Variants in BCOR observed in about 807,000 individuals in gnomAD.
The protein encoded by BCOR is BCL6 corepressor.
BCOR carries 10 observed loss-of-function variants against 86.7 expected under a neutral mutation model. The ratio of observed to expected loss-of-function variants is 0.12; its 90% CI spans 0.07 to 0.20. The LOEUF is 0.20. BCOR is among the 10% of genes least tolerant of loss of function. The probability of loss-of-function intolerance (pLI) is 1.00; values close to 1 mark genes in which losing one functional copy is unlikely to be tolerated. For synonymous variants in BCOR, 611 were observed against 609.0 expected, an observed-to-expected ratio of 1.00 and a Z score of -0.05; for missense variants, 1,259 against 1,452.1, an observed-to-expected ratio of 0.87 and a Z score of 2.16.
upstream of BCOR, among the ~76,000 whole-genome samples, chrX:40,098,860 G>T (rs1937011543): frequency 8.9e-6 from 1 of 112,621 alleles, no homozygotes; most frequent in Admixed American, 9.2e-5. Context: ...GTTTGGAGGT[G>T]GGGGAAGGGG....
At chrX:40,123,640 AC>A (rs1420141022) in intron 1 of BCOR, among the ~76,000 whole-genome samples, 1 of 111,102 alleles carries the variant, frequency 9.0e-6, no homozygotes, top group African/African-American at 3.3e-5. Context: ...GGTGTGAGCC[AC>A]CGCGCCCGGC....
chrX:40,086,641 T>C (rs1476820289), intron 1 of BCOR, among the ~76,000 whole-genome samples: 1 of 113,900 alleles, frequency 8.8e-6, no homozygotes, highest in Non-Finnish European at 1.9e-5. Flanking sequence ...AGCTCGTCCA[T>C]GGGCCTGCAT....
intron 1 of BCOR, among the ~76,000 whole-genome samples, chrX:40,091,335 T>C (rs1361120013): frequency 8.9e-6 from 1 of 112,235 alleles, no homozygotes; most frequent in Non-Finnish European, 1.9e-5. Context: ...GAGATTATAC[T>C]GGAAACTGTC....
In BCOR at chrX:40,064,490, G is replaced by C. The variant is rs756729524; in HGVS notation, c.3348C>G (p.Pro1116=). The stretch of plus-strand genomic sequence containing the variant: ...GCATGTCCGAGGCCACCTGGTCTGC[G>C]GGAGGCTCGCTCACAGGCTGCCTCT... ...FVERQPVSEP[P]ADQVASDMPH... The change falls in exon 7 of 15, where the codon CCC becomes CCG. Residue 1116 remains proline, a synonymous_variant. Coordinates refer to ENST00000378444, the MANE Select transcript of BCOR (RefSeq NM_001123385.2). 3.3e-6 allele frequency: 4 copies of C among 1,212,324 alleles called. No individual in the cohort carries two copies. Among genetic ancestry groups the C allele is most frequent in the Non-Finnish European group, 4.5e-6 (4 of 895,623 alleles).
chrX:40,145,532 T>A (rs936710908), intron 1 of BCOR, among the ~76,000 whole-genome samples: 1 of 111,092 alleles, frequency 9.0e-6, no homozygotes, highest in Non-Finnish European at 1.9e-5. Context: ...CAGGTCCACG[T>A]GTGACCTCCA....
chrX:40,135,249 C>T, intron 1 of BCOR, among the ~76,000 whole-genome samples: 1 of 111,457 alleles, frequency 9.0e-6, no homozygotes. Context: ...GCCACATCTC[C>T]AAGACATGCT....
In BCOR at chrX:40,092,440, C is replaced by A. The variant is rs1004400314; in HGVS notation, c.-41+4775G>T. On this transcript the variant is annotated intron_variant, in intron 1 of 14. Coordinates refer to ENST00000378444, the MANE Select transcript of BCOR (RefSeq NM_001123385.2). ...TGCTAATCCACCCAACACAGGCTGT[C>A]CCCGCCACGGTCTCCTCCAGAGGAA... 3.6e-5 allele frequency among the ~76,000 whole-genome samples: 4 copies of A among 110,613 alleles called. No individual in the cohort carries two copies. In the Admixed American group the frequency reaches 3.8e-4, roughly 11 times the overall value.
chrX:40,123,795 TTG>T (rs59910543), intron 1 of BCOR, among the ~76,000 whole-genome samples: 2,403 of 103,429 alleles, frequency 0.023, 39 homozygotes, highest in African/African-American at 0.06. Flanking sequence ...GGTTTCCTGG[TTG>T]TGTGTGTGTG....
rs772393354 is a variant in BCOR, at chrX:40,078,097, T to C, written c.-40-128A>G. 35 of 480,507 alleles carry C rather than the reference T, an allele frequency of 7.3e-5. No individual in the cohort carries two copies. The African/African-American group carries it at 7.5e-4, about 10-fold the overall frequency. The allele number at this position is 480,507 out of a possible 1,213,427, so 39.6% of individuals were successfully genotyped here. ...TGGGGAAGGCAGGCTGTGCCTGCTG[T>C]CTACAGTGGTCTGGGAGCCAAGGAC... On this transcript the variant is annotated intron_variant, in intron 1 of 14. Transcript: ENST00000378444.
At chrX:40,061,419 C>T (rs1934861629) in intron 10 of BCOR, among the ~76,000 whole-genome samples, 1 of 111,391 alleles carries the variant, frequency 9.0e-6, no homozygotes, top group Non-Finnish European at 1.9e-5. Flanking sequence ...TCAGTTTCCT[C>T]ATCTGAAAGC....
chrX:40,063,755 T>G lies in BCOR; in HGVS notation c.3700A>C (p.Arg1234=). The G allele has an allele frequency of 1.6e-6, 2 of 1,212,139 alleles. No individual in the cohort carries two copies. The highest frequency in any genetic ancestry group is 2.2e-6 in the Non-Finnish European group (2 of 895,610). ...AADGKPGRQS[R]KEVTQATQPE... ...TGAGTGGCCTGGGTCACTTCCTTCC[T>G]GCTTTGCCGGCCAGGTTTGCCATCT... The change falls in exon 8 of 15, where the codon AGG becomes CGG. Residue 1234 remains arginine, a synonymous_variant. Coordinates refer to ENST00000378444, the MANE Select transcript of BCOR (RefSeq NM_001123385.2).
chrX:40,063,110 G>GGGGA, intron 8 of BCOR, 39 bp from the exon 9 acceptor site: 4 of 644,546 alleles, frequency 6.2e-6, no homozygotes, highest in Non-Finnish European at 6.7e-6. Context: ...GGGCGGATGG[G>GGGGA]AGACGGGAGA....
intron 4 of BCOR, chrX:40,072,009 C>G (rs1935498158): frequency 2.5e-6 from 1 of 393,500 alleles, no homozygotes; most frequent in Non-Finnish European, 4.4e-6. Flanking sequence ...CTAAGCAGCA[C>G]TTCTAGGTAT....
At chrX:40,120,446 C>T (rs187840347) in intron 1 of BCOR, among the ~76,000 whole-genome samples, 1 of 112,098 alleles carries the variant, frequency 8.9e-6, no homozygotes, top group East Asian at 2.8e-4. Context: ...CCAAACCGAC[C>T]CTTCACCAAA....
chrX:40,068,614 T>A (rs770657182), intron 6 of BCOR, among the ~76,000 whole-genome samples: 42 of 112,201 alleles, frequency 3.7e-4, no homozygotes, highest in African/African-American at 1.3e-3. Flanking sequence ...ACATCTAATA[T>A]GTATCAACAA....
intron 1 of BCOR, among the ~76,000 whole-genome samples, chrX:40,143,003 G>C (rs992211695): frequency 8.9e-6 from 1 of 112,189 alleles, no homozygotes; most frequent in African/African-American, 3.2e-5. Context: ...GACCCCTCTC[G>C]GGTTGAGCAA....
intron 1 of BCOR, among the ~76,000 whole-genome samples, chrX:40,157,250 G>A (rs1334164119): frequency 9.1e-6 from 1 of 109,969 alleles, no homozygotes; most frequent in East Asian, 2.8e-4. Context: ...GAGCAGGAAG[G>A]CCCTCCAGAC....
At position 40,073,963 on chromosome X, in the gene BCOR, C is replaced by T; in HGVS notation, c.1383G>A (p.Met461Ile). Reference protein sequence around the residue: ...DASKADHMKKMAPTVLVHSRA... With the variant: ...DASKADHMKKIAPTVLVHSRA... ...TGCTGTGAACCAGGACCGTGGGAGC[C>T]ATCTTTTTCATGTGGTCAGCTTTGG... Residue 461 changes from methionine (M) to isoleucine (I), a missense_variant, in exon 4 of 15, where the codon ATG (methionine) becomes ATA (isoleucine). By Grantham distance (10) the Met-to-Ile change is conservative (BLOSUM62 1). Around this residue, in one of 7 missense-constraint regions of BCOR, gnomAD observed 534 missense variants for 594.8 expected, o/e 0.90. Coordinates refer to ENST00000378444, the MANE Select transcript of BCOR (RefSeq NM_001123385.2). 8.2e-7 allele frequency: 1 copy of T among 1,212,242 alleles called. No individual in the cohort carries two copies. Among genetic ancestry groups the T allele is most frequent in the Non-Finnish European group, 1.1e-6 (1 of 895,609 alleles).
At chrX:40,176,972 C>T (rs2148047044) in intron 1 of BCOR, 1 of 110,131 alleles carries the variant, frequency 9.1e-6, no homozygotes, top group South Asian at 4.0e-4. Context: ...CACCCCCTAC[C>T]TTCCGGGTAG....
Sources: allele counts gnomAD v4.1 joint callset (sites outside exome capture counted in the v4.1 genomes callset), GRCh38; gene constraint gnomAD v4.1.1; regional missense constraint gnomAD v4.1.1; transcripts MANE v1.5; gene names NCBI Gene and HGNC (gene_info 2026-07-23, HGNC 2026-07-21).